QKI: variants seen among roughly 807,000 people sequenced by gnomAD.
The protein encoded by QKI is QKI, KH domain containing RNA binding.
QKI carries 10 observed loss-of-function variants against 39.0 expected under a neutral mutation model. That is an observed-to-expected ratio of 0.26 (90% CI 0.16 to 0.43). QKI has a LOEUF of 0.43. QKI is among the 20% of genes least tolerant of loss of function. The pLI is 1.00. For missense variants in QKI, 218 were observed against 428.0 expected, an observed-to-expected ratio of 0.51 and a Z score of 4.33; for synonymous variants, 204 against 155.4, an observed-to-expected ratio of 1.31 and a Z score of -2.33.
chr6:163,498,001 A>G (rs1449577941), intron 3 of QKI, among the ~76,000 whole-genome samples: 1 of 152,150 alleles, frequency 6.6e-6, no homozygotes, highest in African/African-American at 2.4e-5. Flanking sequence ...TAAAATTAAA[A>G]TACTACTTTA....
chr6:163,438,314 TATA>T (rs1443787939), intron 1 of QKI, among the ~76,000 whole-genome samples: 2 of 152,176 alleles, frequency 1.3e-5, no homozygotes, highest in Admixed American at 6.5e-5. Flanking sequence ...AGTCATCATT[TATA>T]ATGACATTGA....
At chr6:163,484,264 G>A (rs189699834) in intron 3 of QKI, among the ~76,000 whole-genome samples, 88 of 151,014 alleles carry the variant, frequency 5.8e-4, no homozygotes, top group Non-Finnish European at 1.1e-3. Context: ...GTGTAGTGGT[G>A]CAATCTCAGG....
At chr6:163,419,446 AATC>A (rs1049964531) in intron 1 of QKI, among the ~76,000 whole-genome samples, 1 of 152,162 alleles carries the variant, frequency 6.6e-6, no homozygotes, top group Non-Finnish European at 1.5e-5. Context: ...TGTTGTCAGT[AATC>A]ATCATCTGTA....
At position 163,570,758 on chromosome 6, in the gene QKI, C is replaced by T. The variant is rs898248499; in HGVS notation, c.*48C>T. 1 of 1,607,796 alleles carries T rather than the reference C, an allele frequency of 6.2e-7. No individual in the cohort carries two copies. Among genetic ancestry groups the T allele is most frequent in the African/African-American group, 1.3e-5 (1 of 74,554 alleles). Reference sequence around the variant, plus strand: ...ACTCTTCACCCAATGATGACCTGACCATGCCTGCCTGCTGATCAGTTAACT... The same window carrying T: ...ACTCTTCACCCAATGATGACCTGACTATGCCTGCCTGCTGATCAGTTAACT... On this transcript the variant is annotated 3_prime_UTR_variant, in exon 8 of 8. Transcript: ENST00000361752.
chr6:163,423,293 C>T (rs966565402), intron 1 of QKI: 15 of 152,196 alleles, frequency 9.9e-5, no homozygotes, highest in African/African-American at 3.4e-4. Flanking sequence ...ATCTCAAAAA[C>T]AAATAAAATT....
At chr6:163,520,174 A>G (rs1780062161) in intron 3 of QKI, among the ~76,000 whole-genome samples, 1 of 152,156 alleles carries the variant, frequency 6.6e-6, no homozygotes. Flanking sequence ...ATGATTTTTA[A>G]TGAAGGAATA....
At chr6:163,480,859 G>GTA (rs1793023280) in intron 3 of QKI, among the ~76,000 whole-genome samples, 2 of 152,152 alleles carry the variant, frequency 1.3e-5, no homozygotes, top group African/African-American at 4.8e-5. Flanking sequence ...GAAAAGATTA[G>GTA]TATATATTCA....
chr6:163,447,641 GT>G (rs576642360), intron 1 of QKI, among the ~76,000 whole-genome samples: 45 of 152,070 alleles, frequency 3.0e-4, no homozygotes, highest in African/African-American at 1.1e-3. Flanking sequence ...AGCATTAGTT[GT>G]TTTTTCTTTT....
intron 2 of QKI, among the ~76,000 whole-genome samples, chr6:163,461,140 A>G (rs1386993094): frequency 6.6e-6 from 1 of 151,708 alleles, no homozygotes; most frequent in Non-Finnish European, 1.5e-5. Context: ...CCAATTTATG[A>G]CTCTTTGTTT....
intron 2 of QKI, among the ~76,000 whole-genome samples, chr6:163,457,156 T>G (rs1790983034): frequency 6.6e-6 from 1 of 152,214 alleles, no homozygotes; most frequent in African/African-American, 2.4e-5. Context: ...CGTTAAGGGA[T>G]AATGTTTCTG....
intron 2 of QKI, among the ~76,000 whole-genome samples, chr6:163,456,422 G>A (rs1018089811): frequency 6.6e-6 from 1 of 152,096 alleles, no homozygotes; most frequent in African/African-American, 2.4e-5. Context: ...CTTGTTGAAT[G>A]AACCAAGAAA....
At chr6:163,446,164 T>C (rs2128216706) in intron 1 of QKI, among the ~76,000 whole-genome samples, 1 of 152,344 alleles carries the variant, frequency 6.6e-6, no homozygotes, top group South Asian at 2.1e-4. Flanking sequence ...GCTGTCCCCT[T>C]TCCCCCTTGT....
intron 3 of QKI, among the ~76,000 whole-genome samples, chr6:163,499,463 T>C (rs1778611124): frequency 6.6e-6 from 1 of 152,216 alleles, no homozygotes; most frequent in Non-Finnish European, 1.5e-5. Context: ...TTTTATCAAG[T>C]TGGCAAGGAA....
At chr6:163,508,166 G>A (rs909159581) in intron 3 of QKI, among the ~76,000 whole-genome samples, 2 of 152,120 alleles carry the variant, frequency 1.3e-5, no homozygotes, top group African/African-American at 4.8e-5. Context: ...TCTGACATAT[G>A]TATAATTGGA....
At chr6:163,557,720 C>T (rs1782722488) in intron 4 of QKI, among the ~76,000 whole-genome samples, 1 of 151,942 alleles carries the variant, frequency 6.6e-6, no homozygotes, top group African/African-American at 2.4e-5. Context: ...GATGGGTACT[C>T]CATTTACCCT....
chr6:163,502,529 G>A (rs1778837508), intron 3 of QKI, among the ~76,000 whole-genome samples: 1 of 152,076 alleles, frequency 6.6e-6, no homozygotes, highest in African/African-American at 2.4e-5. Flanking sequence ...AAGATAAAGT[G>A]AATGTTTATC....
At chr6:163,534,554 C>T (rs901552840) in intron 3 of QKI, among the ~76,000 whole-genome samples, 1 of 152,076 alleles carries the variant, frequency 6.6e-6, no homozygotes, top group African/African-American at 2.4e-5. Context: ...GAGAGGTGAC[C>T]CCCTTAACCT....
rs992555222 is a variant in QKI at position 163,437,199 on chromosome 6, T to C, written c.143-18080T>C. 4.6e-5 allele frequency among the ~76,000 whole-genome samples: 7 copies of C among 152,310 alleles called. 1 individual carries two copies. Among genetic ancestry groups the C allele is most frequent in the African/African-American group, 1.7e-4 (7 of 41,560 alleles). The stretch of plus-strand genomic sequence containing the variant: ...GGAAAGCTTTATTTTTACTTTCAGA[T>C]GAAAATTAAAATTTGTTGCAATTTA... On this transcript the variant is annotated intron_variant, in intron 1 of 7. Coordinates refer to ENST00000361752, the MANE Select transcript of QKI (RefSeq NM_006775.3).
chr6:163,540,246 G>A (rs1781431617), intron 4 of QKI, among the ~76,000 whole-genome samples: 1 of 151,994 alleles, frequency 6.6e-6, no homozygotes, highest in African/African-American at 2.4e-5. Context: ...CTAGCAGGGT[G>A]GGGAGTAGGG....
Sources: allele counts gnomAD v4.1 joint callset (sites outside exome capture counted in the v4.1 genomes callset), GRCh38; gene constraint gnomAD v4.1.1; transcripts MANE v1.5; gene names NCBI Gene and HGNC (gene_info 2026-07-23, HGNC 2026-07-21).